Variants in NCAM2 observed in about 807,000 individuals in gnomAD.
NCAM2 encodes neural cell adhesion molecule 2.
Under a neutral mutation model 98.1 loss-of-function variants are expected in NCAM2, and 30 were observed. The observed-to-expected ratio is 0.31, with a 90% CI of 0.23 to 0.41. NCAM2 has a LOEUF of 0.41. NCAM2 is among the 10% of genes least tolerant of loss of function. The pLI is 1.00. For synonymous variants in NCAM2, 368 were observed against 342.4 expected (o/e 1.07, Z -0.83); for missense variants, 867 against 1,005.8 (o/e 0.86, Z 1.87).
chr21:21,509,621 GCT>G (rs1323830068), intron 16 of NCAM2, among the ~76,000 whole-genome samples: 1 of 152,082 alleles, frequency 6.6e-6, no homozygotes, highest in East Asian at 1.9e-4. Flanking sequence ...AGAATTTGGA[GCT>G]CTCTGTGTAG....
intron 9 of NCAM2, among the ~76,000 whole-genome samples, chr21:21,389,723 G>A (rs879877443): frequency 5.3e-5 from 8 of 152,176 alleles, no homozygotes; most frequent in East Asian, 1.9e-4. Flanking sequence ...CTCTGGTTTC[G>A]TCTATATTGC....
intron 1 of NCAM2, among the ~76,000 whole-genome samples, chr21:21,051,611 G>T (rs1306099134): frequency 6.6e-6 from 1 of 152,178 alleles, no homozygotes; most frequent in Non-Finnish European, 1.5e-5. Flanking sequence ...TTTTGACTTA[G>T]CATTACAGCT....
intron 8 of NCAM2, among the ~76,000 whole-genome samples, chr21:21,345,058 C>T (rs1052147853): frequency 6.6e-6 from 1 of 152,128 alleles, no homozygotes. Context: ...GCAAGAACCT[C>T]AACATTACTG....
rs544580504 is a variant in NCAM2 at position 21,539,974 on chromosome 21, T to C, written c.*2017T>C. The C allele has an allele frequency of 3.9e-5, 6 of 152,282 alleles. No individual in the cohort carries two copies. Among genetic ancestry groups the C allele is most frequent in the African/African-American group, 9.6e-5 (4 of 41,584 alleles). 9.4% of individuals were successfully genotyped at this position (152,282 alleles called of 1,614,324 possible). A position where few individuals can be genotyped will look rare whatever the true frequency, so the allele number is the denominator to read the frequency against. ...TAGTCAAAATACTTGAATTAGTTTG[T>C]TTGTGCAAAGTGTACAAGCTTAGTA... On this transcript the variant is annotated 3_prime_UTR_variant, in exon 18 of 18. Transcript: ENST00000400546.
intron 1 of NCAM2, among the ~76,000 whole-genome samples, chr21:21,196,534 T>G (rs1352046983): frequency 6.6e-6 from 1 of 152,172 alleles, no homozygotes. Context: ...AATTGTGACA[T>G]AAGATGTATG....
chr21:21,150,743 T>C (rs1601505946), intron 1 of NCAM2, among the ~76,000 whole-genome samples: 1 of 151,998 alleles, frequency 6.6e-6, no homozygotes, highest in African/African-American at 2.4e-5. Context: ...TCTGTGTCTA[T>C]ATTAGTGATG....
chr21:21,059,226 G>A (rs1251010394), intron 1 of NCAM2, among the ~76,000 whole-genome samples: 1 of 151,970 alleles, frequency 6.6e-6, no homozygotes, highest in Non-Finnish European at 1.5e-5. Context: ...GCAGGGAGAG[G>A]ACTAGATCCA....
In NCAM2 at chr21:21,539,207, C is replaced by T. The variant is rs973493593; in HGVS notation, c.*1250C>T. 3 of 152,252 alleles carry T rather than the reference C, an allele frequency of 2.0e-5. No individual in the cohort carries two copies. The highest frequency in any genetic ancestry group is 7.2e-5 in the African/African-American group (3 of 41,568). 9.4% of individuals were successfully genotyped at this position (152,252 alleles called of 1,614,324 possible). A position where few individuals can be genotyped will look rare whatever the true frequency, so the allele number is the denominator to read the frequency against. Reference sequence around the variant, plus strand: ...ACCAGAATAAAATGCTTCTTTACTTCCAAGCTATGCAAGCTCCCAGAGGTA... The same window carrying T: ...ACCAGAATAAAATGCTTCTTTACTTTCAAGCTATGCAAGCTCCCAGAGGTA... On this transcript the variant is annotated 3_prime_UTR_variant, in exon 18 of 18. Transcript: ENST00000400546.
intron 1 of NCAM2, among the ~76,000 whole-genome samples, chr21:21,195,622 T>A (rs2068976981): frequency 6.6e-6 from 1 of 152,114 alleles, no homozygotes; most frequent in Non-Finnish European, 1.5e-5. Context: ...AAAAGCAAAA[T>A]CTAGAATCTG....
At chr21:21,509,399 A>G (rs189305831) in intron 16 of NCAM2, among the ~76,000 whole-genome samples, 13 of 152,324 alleles carry the variant, frequency 8.5e-5, no homozygotes, top group African/African-American at 2.6e-4. Context: ...TTTATATTAA[A>G]TAAAAGAAAG....
chr21:21,239,608 T>G (rs908805658), intron 1 of NCAM2, among the ~76,000 whole-genome samples: 2 of 152,190 alleles, frequency 1.3e-5, no homozygotes, highest in African/African-American at 4.8e-5. Context: ...GATGATGTGT[T>G]CATGGTCATG....
chr21:21,061,077 G>T (rs1251203331), intron 1 of NCAM2, among the ~76,000 whole-genome samples: 1 of 152,112 alleles, frequency 6.6e-6, no homozygotes, highest in Non-Finnish European at 1.5e-5. Flanking sequence ...TATAAGGTGT[G>T]AAAATATGTG....
intron 1 of NCAM2, among the ~76,000 whole-genome samples, chr21:21,138,031 G>A (rs2067095205): frequency 6.6e-6 from 1 of 152,228 alleles, no homozygotes; most frequent in African/African-American, 2.4e-5. Context: ...ATCTCCTCTA[G>A]CATTTATATC....
At chr21:21,221,627 C>T (rs1156609325) in intron 1 of NCAM2, among the ~76,000 whole-genome samples, 1 of 152,104 alleles carries the variant, frequency 6.6e-6, no homozygotes. Flanking sequence ...TAGTATTATT[C>T]AATTTTGCAA....
intron 12 of NCAM2, among the ~76,000 whole-genome samples, chr21:21,444,262 G>T (rs989554990): frequency 1.3e-5 from 2 of 152,210 alleles, no homozygotes; most frequent in Admixed American, 6.5e-5. Flanking sequence ...TTTTCATACC[G>T]ATGTTCATCA....
intron 8 of NCAM2, among the ~76,000 whole-genome samples, chr21:21,372,291 G>A (rs969921836): frequency 1.3e-5 from 2 of 151,598 alleles, no homozygotes; most frequent in Non-Finnish European, 2.9e-5. Flanking sequence ...ATTTAAATAA[G>A]CAATTCTTAA....
chr21:21,014,191 C>T lies in NCAM2; in HGVS notation c.55+15573C>T, dbSNP rs532038915. On this transcript the variant is annotated intron_variant, in intron 1 of 17. Transcript: ENST00000400546. ...TCGTAATCCCAGCACTTTGGGAGGC[C>T]GAGGAAGGCAGATCATGAGGTCAAG... Among the ~76,000 whole-genome samples the T allele has an allele frequency of 1.6e-3, 238 of 152,068 alleles. 1 individual carries two copies. The highest frequency in any genetic ancestry group is 5.4e-3 in the African/African-American group (222 of 41,488).
At chr21:21,204,846 T>A (rs2069374201) in intron 1 of NCAM2, among the ~76,000 whole-genome samples, 1 of 152,188 alleles carries the variant, frequency 6.6e-6, no homozygotes, top group Non-Finnish European at 1.5e-5. Flanking sequence ...AAGGAGCTGC[T>A]GTAACTCTCC....
chr21:21,093,151 C>A (rs1189377236), intron 1 of NCAM2, among the ~76,000 whole-genome samples: 1 of 152,016 alleles, frequency 6.6e-6, no homozygotes, highest in African/African-American at 2.4e-5. Context: ...TAAGGTGATG[C>A]TTAAGAACAG....
Sources: gnomAD v4.1 joint callset for allele counts (sites outside exome capture counted in the v4.1 genomes callset) on GRCh38, gnomAD v4.1.1 for gene constraint, MANE v1.5 for transcripts, NCBI Gene and HGNC (gene_info 2026-07-23, HGNC 2026-07-21) for gene names.